Variants in MAP3K3 observed in about 807,000 individuals in gnomAD.
MAP3K3 encodes the protein MAP/ERK kinase kinase 3.
Under a neutral mutation model 80.9 loss-of-function variants are expected in MAP3K3, and 12 were observed. The observed-to-expected ratio is 0.15, with a 90% CI of 0.10 to 0.24. The LOEUF (loss-of-function observed/expected upper bound fraction) is 0.24. Among genes scored for constraint, MAP3K3 ranks in the 10% least tolerant of loss-of-function variants. MAP3K3 has a pLI of 1.00. For synonymous variants in MAP3K3, 272 were observed against 307.1 expected (o/e 0.89, Z 1.19); for missense variants, 596 against 834.7 (o/e 0.71, Z 3.52).
At chr17:63,635,262 T>A (rs184746519) in intron 2 of MAP3K3, among the ~76,000 whole-genome samples, 3 of 152,214 alleles carry the variant, frequency 2.0e-5, no homozygotes, top group African/African-American at 4.8e-5. Context: ...TTCATTGGTA[T>A]GTTCATTCCT....
At chr17:63,690,682 C>A (rs2035566432) in intron 12 of MAP3K3, 3 of 472,210 alleles carry the variant, frequency 6.4e-6, no homozygotes, top group African/African-American at 5.8e-5. Context: ...ACCTGTGACA[C>A]AGAGGGGACT....
In MAP3K3 at chr17:63,647,217, G is replaced by A. The variant is rs1168494540; in HGVS notation, c.167+1143G>A. On this transcript the variant is annotated intron_variant, in intron 3 of 15. Transcript: ENST00000361733. Reference sequence around the variant, plus strand: ...CATTGTGGAAAGTGTGGTCTGCAGAGCCAGGGTCCTTCTGCTCCTATGTGA... The same window carrying A: ...CATTGTGGAAAGTGTGGTCTGCAGAACCAGGGTCCTTCTGCTCCTATGTGA... Among the ~76,000 whole-genome samples the A allele has an allele frequency of 3.3e-5, 5 of 152,188 alleles. No individual in the cohort carries two copies. The South Asian group carries it at 6.2e-4, about 19-fold the overall frequency.
chr17:63,634,421 G>A (rs2034279748), intron 2 of MAP3K3, among the ~76,000 whole-genome samples: 2 of 152,162 alleles, frequency 1.3e-5, no homozygotes, highest in South Asian at 2.1e-4. Flanking sequence ...AAGGAGGGGC[G>A]GAATGGTCAC....
chr17:63,664,809 T>G (rs913272098), intron 5 of MAP3K3, among the ~76,000 whole-genome samples: 7 of 152,190 alleles, frequency 4.6e-5, no homozygotes, highest in African/African-American at 1.7e-4. Context: ...TCAGGCATAG[T>G]CCCACCTTCC....
In MAP3K3 at chr17:63,627,407, C is replaced by T. The variant is rs143782794; in HGVS notation, c.4+4644C>T. Among the ~76,000 whole-genome samples, 979 of 152,064 alleles carry T rather than the reference C, an allele frequency of 6.4e-3. 8 individuals carry two copies. The highest frequency in any genetic ancestry group is 0.022 in the African/African-American group (918 of 41,478). On this transcript the variant is annotated intron_variant, in intron 1 of 15. Coordinates refer to ENST00000361733, the MANE Select transcript of MAP3K3 (RefSeq NM_002401.5). ...TTTCAAAGTTATAAGCACACTATTA[C>T]GCTACCTCAACTTGTTCACGTGTAA... is the stretch of plus-strand genomic sequence containing the variant.
At position 63,624,383 on chromosome 17, in the gene MAP3K3, A is replaced by G. The variant is rs577874340; in HGVS notation, c.4+1620A>G. ...GAGTGTGAAATACTTAAGGGTATGT[A>G]GACCATCCACTTCCTACTTTGTTGA... On this transcript the variant is annotated intron_variant, in intron 1 of 15. Transcript: ENST00000361733. 6.6e-5 allele frequency among the ~76,000 whole-genome samples: 10 copies of G among 152,316 alleles called. No homozygotes were observed. In the South Asian group the frequency reaches 1.9e-3, roughly 28 times the overall value.
rs562642864 is a variant in MAP3K3 at position 63,665,828 on chromosome 17, C to T, written c.382-1112C>T. 1.1e-4 allele frequency among the ~76,000 whole-genome samples: 16 copies of T among 152,320 alleles called. No individual in the cohort carries two copies. The East Asian group carries it at 2.9e-3, about 28-fold the overall frequency. ...GTGATAAAGTCTGGCATGGGGACTA[C>T]AGGAGGTTGCTTGGCAGCTGAACTC... On this transcript the variant is annotated intron_variant, in intron 5 of 15. Coordinates refer to ENST00000361733, the MANE Select transcript of MAP3K3 (RefSeq NM_002401.5).
At chr17:63,681,102 T>C (rs2143553056) in intron 6 of MAP3K3, among the ~76,000 whole-genome samples, 1 of 148,068 alleles carries the variant, frequency 6.8e-6, no homozygotes, top group Admixed American at 6.7e-5. Context: ...AGTGAGACCC[T>C]GTCTCAATTT....
At chr17:63,672,292 A>G (rs2035127484) in intron 6 of MAP3K3, among the ~76,000 whole-genome samples, 1 of 151,998 alleles carries the variant, frequency 6.6e-6, no homozygotes, top group South Asian at 2.1e-4. Context: ...TCAAAAAAAA[A>G]AAAAAAAAAG....
At chr17:63,672,597 C>T (rs1437266046) in intron 6 of MAP3K3, among the ~76,000 whole-genome samples, 1 of 152,070 alleles carries the variant, frequency 6.6e-6, no homozygotes, top group Admixed American at 6.6e-5. Context: ...AAACCATGCA[C>T]CCAGGCGAGA....
chr17:63,676,763 A>G (rs1236531302), intron 6 of MAP3K3, among the ~76,000 whole-genome samples: 3 of 152,202 alleles, frequency 2.0e-5, no homozygotes, highest in Non-Finnish European at 4.4e-5. Flanking sequence ...CCAGAAGTCC[A>G]GTGCCCCTCA....
rs370216632 is a variant in MAP3K3, at chr17:63,692,219, G to A, written c.1475-23G>A. Reference sequence around the variant, plus strand: ...AAATGCAAGAGGGTCCAGGGTTGCAGCCTCTGCCCTTTCATGCCTCAGGAG... The same window carrying A: ...AAATGCAAGAGGGTCCAGGGTTGCAACCTCTGCCCTTTCATGCCTCAGGAG... On this transcript the variant is annotated intron_variant, in intron 14 of 15. Coordinates refer to ENST00000361733, the MANE Select transcript of MAP3K3 (RefSeq NM_002401.5). This position sits in a 1 kb window ranked among gnomAD's most constrained non-coding sequence, Gnocchi z 4.5. The A allele has an allele frequency of 3.7e-5, 59 of 1,613,248 alleles. 1 individual carries two copies. Among genetic ancestry groups the A allele is most frequent in the Non-Finnish European group, 4.8e-5 (57 of 1,179,810 alleles).
At chr17:63,653,028 A>G (rs1304404780) in intron 4 of MAP3K3, among the ~76,000 whole-genome samples, 1 of 152,118 alleles carries the variant, frequency 6.6e-6, no homozygotes, top group East Asian at 1.9e-4. Context: ...GGGGCTAGGG[A>G]GGTGTGAAAA....
chr17:63,641,347 A>G (rs892409680), intron 2 of MAP3K3, among the ~76,000 whole-genome samples: 1 of 151,532 alleles, frequency 6.6e-6, no homozygotes, highest in African/African-American at 2.4e-5. Context: ...GGTTCAAGCA[A>G]TTCTCCTGCC....
chr17:63,671,337 C>A (rs2035104270), intron 6 of MAP3K3, among the ~76,000 whole-genome samples: 1 of 149,958 alleles, frequency 6.7e-6, no homozygotes, highest in Non-Finnish European at 1.5e-5. Context: ...CTCACTGCAA[C>A]CTCCGCCTCC....
chr17:63,692,504 T>C lies in MAP3K3; in HGVS notation c.1652+85T>C, dbSNP rs189916858. The C allele has an allele frequency of 7.3e-4, 1,041 of 1,425,016 alleles. 5 individuals are homozygous for C. In the African/African-American group the frequency reaches 0.013, roughly 17 times the overall value. The allele number at this position is 1,425,016 out of a possible 1,614,324, so 88.3% of individuals were successfully genotyped here. A position where few individuals can be genotyped will look rare whatever the true frequency, so the allele number is the denominator to read the frequency against. ...GAAACACACCCTGGGGACTTTGTGG[T>C]GTGGCAGGAGGGAGTGTGCCCAGGG... On this transcript the variant is annotated intron_variant, in intron 15 of 15. Transcript: ENST00000361733. This position sits in a 1 kb window ranked among gnomAD's most constrained non-coding sequence, Gnocchi z 4.5.
intron 2 of MAP3K3, among the ~76,000 whole-genome samples, chr17:63,642,899 A>G (rs1011527935): frequency 2.6e-5 from 4 of 151,876 alleles, no homozygotes; most frequent in African/African-American, 9.7e-5. Context: ...CTAAGACTAC[A>G]GGCGTGTGCC....
rs749378470 is a variant in MAP3K3 at position 63,679,893 on chromosome 17, T to C, written c.503-1873T>C. On this transcript the variant is annotated intron_variant, in intron 6 of 15. Coordinates refer to ENST00000361733, the MANE Select transcript of MAP3K3 (RefSeq NM_002401.5). Reference sequence around the variant, plus strand: ...TTTTCCATCTAAAACTGGTCTGGACTAGGGATCTATCATCAAGAAAGGAGA... The same window carrying C: ...TTTTCCATCTAAAACTGGTCTGGACCAGGGATCTATCATCAAGAAAGGAGA... 2.5e-4 allele frequency among the ~76,000 whole-genome samples: 38 copies of C among 152,268 alleles called. 1 individual carries two copies. Among genetic ancestry groups the C allele is most frequent in the Non-Finnish European group, 3.8e-4 (26 of 68,012 alleles).
At chr17:63,629,061 T>C (rs2034164497) in intron 1 of MAP3K3, among the ~76,000 whole-genome samples, 1 of 152,184 alleles carries the variant, frequency 6.6e-6, no homozygotes, top group Non-Finnish European at 1.5e-5. Context: ...CAGGGCCTCC[T>C]TACCAAATTT....
Sources: allele counts gnomAD v4.1 joint callset (sites outside exome capture counted in the v4.1 genomes callset), GRCh38; gene constraint gnomAD v4.1.1; non-coding constraint Gnocchi (gnomAD v3.1); transcripts MANE v1.5; gene names NCBI Gene and HGNC (gene_info 2026-07-23, HGNC 2026-07-21).